Variants in MORN1 observed in about 807,000 individuals in gnomAD.
The protein encoded by MORN1 is MORN repeat-containing protein 1.
MORN1 carries 67 observed loss-of-function variants against 61.9 expected under a neutral mutation model. The ratio of observed to expected loss-of-function variants is 1.08; its 90% confidence interval spans 0.89 to 1.33. The LOEUF is 1.33. MORN1 is among the 40% of genes most tolerant of loss of function. The probability of loss-of-function intolerance (pLI) is 0.00; values close to 1 mark genes in which losing one functional copy is unlikely to be tolerated. For missense variants in MORN1, 752 were observed against 691.2 expected, an observed-to-expected ratio of 1.09 and a Z score of -0.99; for synonymous variants, 301 against 292.0, an observed-to-expected ratio of 1.03 and a Z score of -0.31.
chr1:2,379,738 A>G (rs2100355163), intron 6 of MORN1, among the ~76,000 whole-genome samples: 1 of 152,348 alleles, frequency 6.6e-6, no homozygotes, highest in African/African-American at 2.4e-5. Context: ...AATAACAGAA[A>G]ATAACCAGTG....
intron 4 of MORN1, chr1:2,387,115 C>A (rs1304768894): frequency 2.4e-6 from 1 of 424,164 alleles, no homozygotes; most frequent in African/African-American, 2.0e-5. Context: ...ACCTACTGAC[C>A]CCAGGATCAG....
At position 2,332,451 on chromosome 1, in the gene MORN1, C is replaced by A. The variant is rs1370578683; in HGVS notation, c.1250+4018G>T. 2.2e-5 allele frequency: 8 copies of A among 363,568 alleles called. No homozygotes were observed. The Admixed American group carries it at 2.7e-4, about 12-fold the overall frequency. The allele number at this position is 363,568 out of a possible 1,614,324, so 22.5% of individuals were successfully genotyped here. A position where few individuals can be genotyped will look rare whatever the true frequency, so the allele number is the denominator to read the frequency against. On this transcript the variant is annotated intron_variant, in intron 12 of 13. Coordinates refer to ENST00000378531, the MANE Select transcript of MORN1 (RefSeq NM_024848.3). ...GTTCTTCCAGTGGGATGGGCGACCC[C>A]TGGCCCCGGACTCACTGCTTCTCCC...
chr1:2,327,479 C>T (rs1390814825), intron 12 of MORN1, among the ~76,000 whole-genome samples: 1 of 149,746 alleles, frequency 6.7e-6, no homozygotes, highest in Non-Finnish European at 1.5e-5. Flanking sequence ...CACAGAAACA[C>T]ACAGAAACAG....
intron 8 of MORN1, among the ~76,000 whole-genome samples, chr1:2,358,932 T>C (rs1641835062): frequency 6.6e-6 from 1 of 152,156 alleles, no homozygotes; most frequent in African/African-American, 2.4e-5. Flanking sequence ...CTGGGATCTC[T>C]GGTGCTGGCC....
In MORN1 at chr1:2,372,470, G is replaced by C; in HGVS notation, c.745+11C>G. ...GGAAACGTTAGGTCATCTCCCCCTG[G>C]AGATGCTTACTCTTGGCAATTTCCC... On this transcript the variant is annotated intron_variant, in intron 8 of 13. Transcript: ENST00000378531. This position sits in a 1 kb window ranked among gnomAD's most constrained non-coding sequence, Gnocchi z 5.4. 1 of 1,604,742 alleles carries C rather than the reference G, an allele frequency of 6.2e-7. No individual in the cohort carries two copies. Among genetic ancestry groups the C allele is most frequent in the South Asian group, 1.1e-5 (1 of 90,578 alleles).
At chr1:2,377,917 T>TG (rs997241000) in intron 6 of MORN1, 7 of 152,144 alleles carry the variant, frequency 4.6e-5, no homozygotes, top group African/African-American at 1.7e-4. Context: ...GTGCACCAGG[T>TG]GGGGGCTCCG....
chr1:2,334,355 G>A lies in MORN1; in HGVS notation c.1250+2114C>T, dbSNP rs7546567. On this transcript the variant is annotated intron_variant, in intron 12 of 13. Coordinates refer to ENST00000378531, the MANE Select transcript of MORN1 (RefSeq NM_024848.3). This position sits in a 1 kb window ranked among gnomAD's most constrained non-coding sequence, Gnocchi z 5.4. ...CCAGGTTTGTCTCTAAGTCGCTGCC[G>A]CCCCATGATCCATGGCGGAGAGGCC... 0.22 allele frequency among the ~76,000 whole-genome samples: 33,682 copies of A among 152,078 alleles called. 4,683 individuals carry two copies. Among genetic ancestry groups the A allele is most frequent in the African/African-American group, 0.38 (15,871 of 41,446 alleles).
In MORN1 at chr1:2,355,591, C is replaced by T. The variant is rs1338261753; in HGVS notation, c.1036+1841G>A. 6 of 988,170 alleles carry T rather than the reference C, an allele frequency of 6.1e-6. No individual in the cohort carries two copies. The Admixed American group carries it at 1.2e-4, about 20-fold the overall frequency. 61.2% of individuals were successfully genotyped at this position (988,170 alleles called of 1,614,324 possible). On this transcript the variant is annotated intron_variant, in intron 10 of 13. Transcript: ENST00000378531. ...TGGCGGAGGCTCTTCCCAGGGCGGC[C>T]AGGGGCATTCCGCTGCCGCTTTCTC...
At chr1:2,322,418 G>C (rs1640902498) in intron 13 of MORN1, 1 of 985,318 alleles carries the variant, frequency 1.0e-6, no homozygotes, top group Admixed American at 6.1e-5. Context: ...CGCCGGCCTG[G>C]AAAACAGCGC....
intron 13 of MORN1, among the ~76,000 whole-genome samples, chr1:2,321,806 G>A (rs1409999944): frequency 6.6e-6 from 1 of 152,114 alleles, no homozygotes; most frequent in Non-Finnish European, 1.5e-5. Context: ...CTAATTTGGG[G>A]TAAAGGAAAC....
chr1:2,328,471 A>G (rs926957370), intron 12 of MORN1, among the ~76,000 whole-genome samples: 1 of 152,178 alleles, frequency 6.6e-6, no homozygotes, highest in Non-Finnish European at 1.5e-5. Flanking sequence ...ATGTGCCGGG[A>G]GCCAGTGAGG....
chr1:2,332,217 G>A, intron 12 of MORN1: 1 of 210,870 alleles, frequency 4.7e-6, no homozygotes, highest in Non-Finnish European at 9.6e-6. Context: ...GTCCTCCTGA[G>A]GGCACCGGCG....
intron 2 of MORN1, among the ~76,000 whole-genome samples, chr1:2,388,775 C>CAAAA (rs57362688): frequency 1.7e-4 from 11 of 64,552 alleles, no homozygotes; most frequent in African/African-American, 7.0e-4. Flanking sequence ...AAGACTGTCT[C>CAAAA]AAAAAAAAAA....
intron 12 of MORN1, among the ~76,000 whole-genome samples, chr1:2,325,110 T>TTCCCTTCCTTCCC (rs1553205766): frequency 1.3e-4 from 6 of 45,948 alleles, no homozygotes; most frequent in African/African-American, 2.8e-4. Context: ...TCCCCTTTCC[T>TTCCCTTCCTTCCC]TCCCTTCCTT....
intron 10 of MORN1, among the ~76,000 whole-genome samples, chr1:2,338,114 G>C (rs1641318169): frequency 6.6e-5 from 10 of 152,184 alleles, no homozygotes; most frequent in Admixed American, 6.5e-4. Context: ...CGCTGGATAG[G>C]ACCTTGGGGC....
intron 12 of MORN1, among the ~76,000 whole-genome samples, chr1:2,330,995 A>G (rs1450148457): frequency 1.3e-5 from 2 of 152,196 alleles, no homozygotes; most frequent in African/African-American, 2.4e-5. Context: ...ACACGCCTGG[A>G]ATGTCTCTGC....
intron 10 of MORN1, among the ~76,000 whole-genome samples, chr1:2,339,035 C>A (rs1417700472): frequency 6.6e-6 from 1 of 152,156 alleles, no homozygotes; most frequent in East Asian, 1.9e-4. Context: ...GGGTTTGACA[C>A]GTGGGGTCCC....
chr1:2,338,559 G>A (rs935556571), intron 10 of MORN1, among the ~76,000 whole-genome samples: 10 of 152,174 alleles, frequency 6.6e-5, no homozygotes, highest in African/African-American at 2.4e-4. Flanking sequence ...CTCCAGAGTG[G>A]GCCCAGATCC....
chr1:2,328,678 T>TTG (rs1557867083), intron 12 of MORN1, among the ~76,000 whole-genome samples: 1 of 152,178 alleles, frequency 6.6e-6, no homozygotes, highest in Non-Finnish European at 1.5e-5. Flanking sequence ...TTGGAAACTG[T>TTG]TGTCACCTCC....
Sources: gnomAD v4.1 joint callset for allele counts (sites outside exome capture counted in the v4.1 genomes callset) on GRCh38, gnomAD v4.1.1 for gene constraint, Gnocchi (gnomAD v3.1) non-coding constraint, MANE v1.5 for transcripts, NCBI Gene and HGNC (gene_info 2026-07-23, HGNC 2026-07-21) for gene names.